Variants in SPATA31D3 observed in about 807,000 individuals in gnomAD.
SPATA31D3 encodes spermatogenesis-associated protein 31D3.
For missense variants in SPATA31D3, 91 were observed against 297.9 expected (o/e 0.31, Z 5.11); for synonymous variants, 27 against 107.8 (o/e 0.25, Z 4.65).
At position 81,949,930 on chromosome 9, in the gene SPATA31D3, C is replaced by A; in HGVS notation, c.*1923C>A. 2 of 574,850 alleles carry A rather than the reference C, an allele frequency of 3.5e-6. No individual in the cohort carries two copies. Among genetic ancestry groups the A allele is most frequent in the South Asian group, 4.4e-5 (2 of 45,610 alleles). The allele number at this position is 574,850 out of a possible 1,614,324, so 35.6% of individuals were successfully genotyped here. On this transcript the variant is annotated 3_prime_UTR_variant, in exon 4 of 4. Transcript: ENST00000445385. The stretch of plus-strand genomic sequence containing the variant: ...GTGAAGTCAACCTGGTGCCTCCGGT[C>A]ATCCTGACCAGTGCTAAAAACACTG...
rs1823987402 is a variant in SPATA31D3 at position 81,949,641 on chromosome 9, G to T, written c.*1634G>T. 3.4e-6 allele frequency: 3 copies of T among 894,544 alleles called. No individual in the cohort carries two copies. Among genetic ancestry groups the T allele is most frequent in the Non-Finnish European group, 5.5e-6 (3 of 542,874 alleles). 55.4% of individuals were successfully genotyped at this position (894,544 alleles called of 1,614,324 possible). ...TGCAGCTTGGGAAATCTCAGAATGTGCCAGAACTGCAGGTCAGAGCAGAGC... is the reference window on the plus strand; with the variant it reads ...TGCAGCTTGGGAAATCTCAGAATGTTCCAGAACTGCAGGTCAGAGCAGAGC... On this transcript the variant is annotated 3_prime_UTR_variant, in exon 4 of 4. Transcript: ENST00000445385.
intron 2 of SPATA31D3, 118 bp from the exon 3 acceptor site, chr9:81,945,054 T>C: frequency 2.7e-6 from 1 of 365,836 alleles, no homozygotes; most frequent in Non-Finnish European, 4.8e-6. Context: ...TTTGCCCTTT[T>C]CTACTGATTC....
chr9:81,949,707 CA>C lies in SPATA31D3; in HGVS notation c.*1703del, dbSNP rs1823993257. 3 of 1,406,184 alleles carry C rather than the reference CA, an allele frequency of 2.1e-6. No individual in the cohort carries two copies. The highest frequency in any genetic ancestry group is 3.4e-5 in the Admixed American group (2 of 59,154). 87.1% of individuals were successfully genotyped at this position (1,406,184 alleles called of 1,614,324 possible). A position where few individuals can be genotyped will look rare whatever the true frequency, so the allele number is the denominator to read the frequency against. ...CCTGCAACTACATGGCTCCCTCCTG[CA>C]AAGTGACATGTACCAAATCTTGCAG... is the stretch of plus-strand genomic sequence containing the variant. On this transcript the variant is annotated 3_prime_UTR_variant, in exon 4 of 4. Coordinates refer to ENST00000445385, the MANE Select transcript of SPATA31D3 (RefSeq NM_207416.3).
Position 81,949,890 on chromosome 9 carries a change from A to C in SPATA31D3, c.*1883A>C. 1.4e-6 allele frequency: 1 copy of C among 727,482 alleles called. No individual in the cohort carries two copies. Among genetic ancestry groups the C allele is most frequent in the Non-Finnish European group, 2.3e-6 (1 of 425,570 alleles). 45.1% of individuals were successfully genotyped at this position (727,482 alleles called of 1,614,324 possible). On this transcript the variant is annotated 3_prime_UTR_variant, in exon 4 of 4. Transcript: ENST00000445385. Reference sequence around the variant, plus strand: ...CCACAGGAAGCCTGTGCCACAGCCAAACCCCACTTGCAGTGTGAAGTCAAC... The same window carrying C: ...CCACAGGAAGCCTGTGCCACAGCCACACCCCACTTGCAGTGTGAAGTCAAC...
rs1824004525 is a variant in SPATA31D3 at position 81,949,908 on chromosome 9, A to T, written c.*1901A>T. On this transcript the variant is annotated 3_prime_UTR_variant, in exon 4 of 4. Coordinates refer to ENST00000445385, the MANE Select transcript of SPATA31D3 (RefSeq NM_207416.3). ...ACAGCCAAACCCCACTTGCAGTGTG[A>T]AGTCAACCTGGTGCCTCCGGTCATC... 3.1e-6 allele frequency: 2 copies of T among 643,932 alleles called. No individual in the cohort carries two copies. Among genetic ancestry groups the T allele is most frequent in the Non-Finnish European group, 5.5e-6 (2 of 363,964 alleles). 39.9% of individuals were successfully genotyped at this position (643,932 alleles called of 1,614,324 possible). A position where few individuals can be genotyped will look rare whatever the true frequency, so the allele number is the denominator to read the frequency against.
rs1379038525 is a variant in SPATA31D3, at chr9:81,949,868, C to G, written c.*1861C>G. ...AAAGGCATCCCCAATCCATGCCCCA[C>G]AGGAAGCCTGTGCCACAGCCAAACC... On this transcript the variant is annotated 3_prime_UTR_variant, in exon 4 of 4. Coordinates refer to ENST00000445385, the MANE Select transcript of SPATA31D3 (RefSeq NM_207416.3). 3.5e-6 allele frequency: 3 copies of G among 849,292 alleles called. No individual in the cohort carries two copies. The highest frequency in any genetic ancestry group is 1.7e-5 in the African/African-American group (1 of 59,610). 52.6% of individuals were successfully genotyped at this position (849,292 alleles called of 1,614,324 possible). A position where few individuals can be genotyped will look rare whatever the true frequency, so the allele number is the denominator to read the frequency against.
rs550249817 is a variant in SPATA31D3 at position 81,949,755 on chromosome 9, C to A, written c.*1748C>A. 2.7e-5 allele frequency: 38 copies of A among 1,389,764 alleles called. No homozygotes were observed. The highest frequency in any genetic ancestry group is 1.4e-4 in the South Asian group (12 of 86,314). 86.1% of individuals were successfully genotyped at this position (1,389,764 alleles called of 1,614,324 possible). ...GCAGCCAACAAGCTATCTTTGTCGGCCAGAATTATCCTGCAATGATTAGAC... is the reference window on the plus strand; with the variant it reads ...GCAGCCAACAAGCTATCTTTGTCGGACAGAATTATCCTGCAATGATTAGAC... On this transcript the variant is annotated 3_prime_UTR_variant, in exon 4 of 4. Transcript: ENST00000445385.
chr9:81,947,629 G>A lies in SPATA31D3; in HGVS notation c.2376G>A (p.Glu792=), dbSNP rs1270681767. Residue 792 remains glutamate, a synonymous_variant, in exon 4 of 4, where the codon GAG becomes GAA. Coordinates refer to ENST00000445385, the MANE Select transcript of SPATA31D3 (RefSeq NM_207416.3). The part of the protein sequence containing the change: ...LLHDPETSSE[E]DLRSNSERDL... ...ATGATCCGGAGACATCTTCAGAGGA[G>A]GATCTGAGGTCTAACTCTGAGAGAG... The A allele has an allele frequency of 2.5e-6, 4 of 1,569,162 alleles. 2 individuals carry two copies. The African/African-American group carries it at 5.8e-5, about 23-fold the overall frequency.
At position 81,949,589 on chromosome 9, in the gene SPATA31D3, G is replaced by T; in HGVS notation, c.*1582G>T. On this transcript the variant is annotated 3_prime_UTR_variant, in exon 4 of 4. Coordinates refer to ENST00000445385, the MANE Select transcript of SPATA31D3 (RefSeq NM_207416.3). Reference sequence around the variant, plus strand: ...CATAGACATTGAATAGATATCACCTGTCCCCAGGAGCCCCTTTCCTCCCCA... The same window carrying T: ...CATAGACATTGAATAGATATCACCTTTCCCCAGGAGCCCCTTTCCTCCCCA... 1 of 650,058 alleles carries T rather than the reference G, an allele frequency of 1.5e-6. No homozygotes were observed. The highest frequency in any genetic ancestry group is 2.2e-5 in the Admixed American group (1 of 44,746). 40.3% of individuals were successfully genotyped at this position (650,058 alleles called of 1,614,324 possible). A position where few individuals can be genotyped will look rare whatever the true frequency, so the allele number is the denominator to read the frequency against.
chr9:81,949,358 G>T lies in SPATA31D3; in HGVS notation c.*1351G>T. ...CAGCCTCCTCCTGAAAACCTTTTCG[G>T]AACATTGATGAAGACCTTTTTGCAG... On this transcript the variant is annotated 3_prime_UTR_variant, in exon 4 of 4. Transcript: ENST00000445385. The T allele has an allele frequency of 5.7e-6, 2 of 352,122 alleles. No homozygotes were observed. Among genetic ancestry groups the T allele is most frequent in the South Asian group, 3.8e-5 (1 of 26,400 alleles). The allele number at this position is 352,122 out of a possible 1,614,324, so 21.8% of individuals were successfully genotyped here. A position where few individuals can be genotyped will look rare whatever the true frequency, so the allele number is the denominator to read the frequency against.
Position 81,947,571 on chromosome 9 carries a change from G to C in SPATA31D3, c.2318G>C (p.Ser773Thr). 2 of 1,557,120 alleles carry C rather than the reference G, an allele frequency of 1.3e-6. No homozygotes were observed. The highest frequency in any genetic ancestry group is 1.7e-6 in the Non-Finnish European group (2 of 1,149,436). ...AATGTGGGGAATTATCAGGGATGCA[G>C]CCAGGAGACTGCCCCAAAAAACCAT... Reference protein sequence around the residue: ...MENVGNYQGCSQETAPKNHLL... With the variant: ...MENVGNYQGCTQETAPKNHLL... The change falls in exon 4 of 4, where the codon AGC becomes ACC. Residue 773 changes from serine (S) to threonine (T), a missense_variant. Transcript: ENST00000445385.
At position 81,949,586 on chromosome 9, in the gene SPATA31D3, C is replaced by G. The variant is rs773448576; in HGVS notation, c.*1579C>G. ...GGGCATAGACATTGAATAGATATCA[C>G]CTGTCCCCAGGAGCCCCTTTCCTCC... On this transcript the variant is annotated 3_prime_UTR_variant, in exon 4 of 4. Coordinates refer to ENST00000445385, the MANE Select transcript of SPATA31D3 (RefSeq NM_207416.3). 1.2e-4 allele frequency: 75 copies of G among 645,040 alleles called. No individual in the cohort carries two copies. The highest frequency in any genetic ancestry group is 2.1e-4 in the Non-Finnish European group (72 of 346,302). The allele number at this position is 645,040 out of a possible 1,614,324, so 40.0% of individuals were successfully genotyped here. A position where few individuals can be genotyped will look rare whatever the true frequency, so the allele number is the denominator to read the frequency against.
Position 81,949,812 on chromosome 9 carries a change from A to T in SPATA31D3, c.*1805A>T. 8.3e-7 allele frequency: 1 copy of T among 1,209,464 alleles called. No individual in the cohort carries two copies. Among genetic ancestry groups the T allele is most frequent in the Non-Finnish European group, 1.2e-6 (1 of 822,662 alleles). The allele number at this position is 1,209,464 out of a possible 1,614,324, so 74.9% of individuals were successfully genotyped here. ...TAGACAAGGACAGATAGCCCCAGGA[A>T]GTTGGACATTTAAGGGGAAGATATT... On this transcript the variant is annotated 3_prime_UTR_variant, in exon 4 of 4. Transcript: ENST00000445385.
chr9:81,949,381 C>G lies in SPATA31D3; in HGVS notation c.*1374C>G, dbSNP rs1170134795. On this transcript the variant is annotated 3_prime_UTR_variant, in exon 4 of 4. Transcript: ENST00000445385. ...CGGAACATTGATGAAGACCTTTTTG[C>G]AGCAGTCTAATAAACCCATCATAAC... is the stretch of plus-strand genomic sequence containing the variant. 13 of 349,756 alleles carry G rather than the reference C, an allele frequency of 3.7e-5. No homozygotes were observed. The East Asian group carries it at 8.2e-4, about 22-fold the overall frequency. 21.7% of individuals were successfully genotyped at this position (349,756 alleles called of 1,614,324 possible).
At chr9:81,945,292 T>TTTTTTTTTTTTTTTTTTTTTTTTTTTTA (rs1823873087) in intron 3 of SPATA31D3, 60 bp downstream of exon 3, 1 of 1,242,336 alleles carries the variant, frequency 8.0e-7, no homozygotes, top group Non-Finnish European at 1.1e-6. Context: ...TTTTTTTTTT[T>TTTTTTTTTTTTTTTTTTTTTTTTTTTTA]TTTTTTTTTT....
At position 81,949,139 on chromosome 9, in the gene SPATA31D3, T is replaced by G. The variant is rs529372049; in HGVS notation, c.*1132T>G. 1 of 589,384 alleles carries G rather than the reference T, an allele frequency of 1.7e-6. No homozygotes were observed. The highest frequency in any genetic ancestry group is 3.1e-6 in the Non-Finnish European group (1 of 323,598). 36.5% of individuals were successfully genotyped at this position (589,384 alleles called of 1,614,324 possible). A position where few individuals can be genotyped will look rare whatever the true frequency, so the allele number is the denominator to read the frequency against. On this transcript the variant is annotated 3_prime_UTR_variant, in exon 4 of 4. Coordinates refer to ENST00000445385, the MANE Select transcript of SPATA31D3 (RefSeq NM_207416.3). ...CAGGAGCCCAGGGTCCCTACGCATG[T>G]CTTACAGAAATGCCAAGTTAAGAAT...
rs1755346330 is a variant in SPATA31D3, at chr9:81,949,810, G to A, written c.*1803G>A. The A allele has an allele frequency of 1.6e-6, 2 of 1,214,828 alleles. No homozygotes were observed. The highest frequency in any genetic ancestry group is 1.3e-5 in the South Asian group (1 of 79,792). 75.3% of individuals were successfully genotyped at this position (1,214,828 alleles called of 1,614,324 possible). ...CATAGACAAGGACAGATAGCCCCAG[G>A]AAGTTGGACATTTAAGGGGAAGATA... On this transcript the variant is annotated 3_prime_UTR_variant, in exon 4 of 4. Coordinates refer to ENST00000445385, the MANE Select transcript of SPATA31D3 (RefSeq NM_207416.3).
At position 81,948,056 on chromosome 9, in the gene SPATA31D3, T is replaced by A. The variant is rs761834671; in HGVS notation, c.*49T>A. ...AAGATCCGTGAACCCACAGAAATCT[T>A]CAAATCAGAAGAGGATATTTCCAAT... On this transcript the variant is annotated 3_prime_UTR_variant, in exon 4 of 4. Coordinates refer to ENST00000445385, the MANE Select transcript of SPATA31D3 (RefSeq NM_207416.3). 6 of 1,596,216 alleles carry A rather than the reference T, an allele frequency of 3.8e-6. No individual in the cohort carries two copies. Among genetic ancestry groups the A allele is most frequent in the African/African-American group, 2.7e-5 (2 of 73,556 alleles).
Position 81,949,698 on chromosome 9 carries a change from T to C in SPATA31D3, c.*1691T>C. 1.4e-6 allele frequency: 2 copies of C among 1,390,540 alleles called. No homozygotes were observed. The highest frequency in any genetic ancestry group is 2.0e-6 in the Non-Finnish European group (2 of 982,314). 86.1% of individuals were successfully genotyped at this position (1,390,540 alleles called of 1,614,324 possible). ...AGGGCTATCCCTGCAACTACATGGC[T>C]CCCTCCTGCAAAGTGACATGTACCA... is the stretch of plus-strand genomic sequence containing the variant. On this transcript the variant is annotated 3_prime_UTR_variant, in exon 4 of 4. Coordinates refer to ENST00000445385, the MANE Select transcript of SPATA31D3 (RefSeq NM_207416.3).
Sources: allele counts gnomAD v4.1 joint callset, GRCh38; gene constraint gnomAD v4.1.1; transcripts MANE v1.5; gene names NCBI Gene and HGNC (gene_info 2026-07-23, HGNC 2026-07-21).